PRP4K: variants seen among roughly 807,000 people sequenced by gnomAD.
PRP4K encodes the protein serine/threonine-protein kinase PRP4 homolog.
chr6:4,060,164 C>G, the PRP4K span, among the ~76,000 whole-genome samples: 2 of 152,104 alleles, frequency 1.3e-5, no homozygotes, highest in Non-Finnish European at 2.9e-5. The surrounding 1 kb of genome is among the most constrained non-coding windows in gnomAD (Gnocchi z 4.7). Context: ...ACTGTAGGCA[C>G]TTTTGCAAGT....
At chr6:4,029,264 T>A in the PRP4K span, among the ~76,000 whole-genome samples, 1 of 151,890 alleles carries the variant, frequency 6.6e-6, no homozygotes, top group African/African-American at 2.4e-5. Flanking sequence ...TTTTGTCACC[T>A]TCTTTCTCTA....
the PRP4K span, chr6:4,061,851 T>A: frequency 6.6e-6 from 1 of 152,622 alleles, no homozygotes; most frequent in Non-Finnish European, 1.5e-5. Flanking sequence ...ACCATGCAGA[T>A]TTCTGTATGT....
chr6:4,051,532 G>C, the PRP4K span, among the ~76,000 whole-genome samples: 1 of 152,058 alleles, frequency 6.6e-6, no homozygotes, highest in Non-Finnish European at 1.5e-5. Flanking sequence ...GACCAGGCTG[G>C]TCTTGAACTC....
chr6:4,039,085 A>G, the PRP4K span, among the ~76,000 whole-genome samples: 54 of 152,122 alleles, frequency 3.5e-4, no homozygotes, highest in African/African-American at 1.2e-3. Context: ...TTTCTTTGCT[A>G]TATTGTGTTT....
the PRP4K span, chr6:4,037,671 A>G: frequency 8.6e-7 from 1 of 1,166,740 alleles, no homozygotes; most frequent in Non-Finnish European, 1.2e-6. Context: ...TTTCTCTGAA[A>G]AATCGTAGTT....
chr6:4,037,764 A>G, the PRP4K span, among the ~76,000 whole-genome samples: 7 of 151,912 alleles, frequency 4.6e-5, no homozygotes, highest in South Asian at 2.1e-4. Flanking sequence ...TAAACAAATC[A>G]TTGCTCATTT....
At chr6:4,063,018 C>T in the PRP4K span, 1 of 152,644 alleles carries the variant, frequency 6.6e-6, no homozygotes, top group African/African-American at 2.4e-5. Flanking sequence ...ACCTTCAAAA[C>T]TGTTACCTGT....
the PRP4K span, among the ~76,000 whole-genome samples, chr6:4,041,683 C>CTTG: frequency 0.92 from 140,110 of 152,122 alleles, 64,595 homozygotes; most frequent in Middle Eastern, 0.94. Context: ...GAGGACATTT[C>CTTG]TTGTGATTGT....
chr6:4,059,802 C>A, the PRP4K span, among the ~76,000 whole-genome samples: 214 of 152,216 alleles, frequency 1.4e-3, no homozygotes, highest in Admixed American at 3.1e-3. Context: ...TGTGCCACCA[C>A]GCCTGGATAA....
chr6:4,045,564 T>C, the PRP4K span, among the ~76,000 whole-genome samples: 1 of 152,222 alleles, frequency 6.6e-6, no homozygotes. Flanking sequence ...TACACAGATA[T>C]TGCCAATTTA....
chr6:4,047,201 C>T, the PRP4K span: 2 of 1,612,436 alleles, frequency 1.2e-6, no homozygotes, highest in South Asian at 1.1e-5. Context: ...GTTGTTGGCA[C>T]CTGATATGTT....
At chr6:4,037,497 A>G in the PRP4K span, 2 of 1,613,906 alleles carry the variant, frequency 1.2e-6, no homozygotes, top group South Asian at 1.1e-5. Context: ...TAGATCTCCC[A>G]TTAGAAGGAG....
the PRP4K span, among the ~76,000 whole-genome samples, chr6:4,053,903 T>G: frequency 3.4e-4 from 51 of 149,392 alleles, no homozygotes; most frequent in Admixed American, 3.3e-3. Context: ...TCTTTTGTTT[T>G]TTTTGTTTTG....
chr6:4,061,527 G>T, the PRP4K span: 1 of 152,558 alleles, frequency 6.6e-6, no homozygotes, highest in South Asian at 2.1e-4. Flanking sequence ...CATATTTAAA[G>T]GCTAGACAAC....
the PRP4K span, chr6:4,047,307 A>G: frequency 7.8e-7 from 1 of 1,284,062 alleles, no homozygotes; most frequent in African/African-American, 1.5e-5. Flanking sequence ...ATTGGTGCGT[A>G]TATACATATA....
chr6:4,024,023 C>T, the PRP4K span, among the ~76,000 whole-genome samples: 15 of 151,786 alleles, frequency 9.9e-5, no homozygotes, highest in African/African-American at 2.9e-4. Context: ...CGTACCACCA[C>T]GCCCAGCTAA....
chr6:4,058,664 A>T, the PRP4K span: 1 of 1,173,144 alleles, frequency 8.5e-7, no homozygotes, highest in Non-Finnish European at 1.3e-6. Context: ...TTGTATATTA[A>T]TTAAATTGTT....
chr6:4,053,167 G>A, the PRP4K span, among the ~76,000 whole-genome samples: 7 of 152,076 alleles, frequency 4.6e-5, no homozygotes, highest in Non-Finnish European at 8.8e-5. Context: ...AGTTTCTTCT[G>A]TTATCTTTAG....
the PRP4K span, chr6:4,049,164 C>G: frequency 1.4e-6 from 2 of 1,388,966 alleles, no homozygotes; most frequent in African/African-American, 1.5e-5. Context: ...CAAAAGCATG[C>G]TGCTTGATGC....
Sources: allele counts gnomAD v4.1 joint callset (sites outside exome capture counted in the v4.1 genomes callset), GRCh38; gene constraint gnomAD v4.1.1; non-coding constraint Gnocchi (gnomAD v3.1); transcripts MANE v1.5; gene names NCBI Gene and HGNC (gene_info 2026-07-23, HGNC 2026-07-21).